The following SAMTOR variants were observed in gnomAD, a reference collection of about 807,000 sequenced individuals.
SAMTOR encodes UPF0532 protein C7orf60.
the SAMTOR span, among the ~76,000 whole-genome samples, chr7:112,918,242 G>T: frequency 2.0e-5 from 3 of 152,154 alleles, no homozygotes; most frequent in Non-Finnish European, 4.4e-5. Context: ...GACTAACAGC[G>T]GATCTCTCGG....
chr7:112,890,087 G>A, the SAMTOR span, among the ~76,000 whole-genome samples: 4 of 152,186 alleles, frequency 2.6e-5, no homozygotes, highest in East Asian at 1.9e-4. Context: ...ATATAGAGGA[G>A]TTAGATAAGC....
At chr7:112,849,598 T>C in the SAMTOR span, among the ~76,000 whole-genome samples, 19 of 152,294 alleles carry the variant, frequency 1.2e-4, no homozygotes, top group African/African-American at 4.6e-4. Flanking sequence ...TTTCTTTCTG[T>C]TGCTCGACTG....
the SAMTOR span, among the ~76,000 whole-genome samples, chr7:112,874,453 G>A: frequency 1.3e-5 from 2 of 152,108 alleles, no homozygotes; most frequent in South Asian, 4.1e-4. Context: ...GGTACATAGG[G>A]ACATAAAGAT....
chr7:112,848,690 G>A, the SAMTOR span, among the ~76,000 whole-genome samples: 22 of 152,190 alleles, frequency 1.4e-4, no homozygotes, highest in East Asian at 7.7e-4. Flanking sequence ...CTGAAAAGGT[G>A]TATGTTTCCA....
the SAMTOR span, among the ~76,000 whole-genome samples, chr7:112,918,354 A>G: frequency 6.6e-6 from 1 of 152,338 alleles, no homozygotes; most frequent in African/African-American, 2.4e-5. Context: ...ACTAAGCTTC[A>G]TAAGTGAAGG....
At chr7:112,930,711 G>T in the SAMTOR span, among the ~76,000 whole-genome samples, 1 of 152,124 alleles carries the variant, frequency 6.6e-6, no homozygotes, top group African/African-American at 2.4e-5. Context: ...CAAGCTTAGT[G>T]TGTTTCCTAT....
chr7:112,939,676 C>A, the SAMTOR span: 2 of 1,613,226 alleles, frequency 1.2e-6, no homozygotes, highest in South Asian at 2.2e-5. Context: ...GCTCCTGCTC[C>A]CGGGGCGGCG....
the SAMTOR span, among the ~76,000 whole-genome samples, chr7:112,874,202 C>T: frequency 6.6e-6 from 1 of 151,992 alleles, no homozygotes; most frequent in Non-Finnish European, 1.5e-5. Flanking sequence ...TGAGTATATA[C>T]CCAAAGGAAA....
At chr7:112,860,037 T>C in the SAMTOR span, among the ~76,000 whole-genome samples, 2 of 152,218 alleles carry the variant, frequency 1.3e-5, no homozygotes, top group African/African-American at 4.8e-5. Context: ...GTAAGTGCAC[T>C]ATACAGGTAT....
At chr7:112,849,688 G>A in the SAMTOR span, among the ~76,000 whole-genome samples, 9 of 152,266 alleles carry the variant, frequency 5.9e-5, no homozygotes, top group East Asian at 1.7e-3. Context: ...TTCTTAGGGG[G>A]AGTGTTTTCA....
At chr7:112,827,571 C>A in the SAMTOR span, among the ~76,000 whole-genome samples, 1 of 152,118 alleles carries the variant, frequency 6.6e-6, no homozygotes, top group South Asian at 2.1e-4. Flanking sequence ...CCCAAATCCA[C>A]GTTCAAGTCC....
the SAMTOR span, among the ~76,000 whole-genome samples, chr7:112,864,944 G>T: frequency 6.6e-6 from 1 of 151,960 alleles, no homozygotes; most frequent in African/African-American, 2.4e-5. Context: ...TGTAGAGATG[G>T]GGTTTTGCCA....
At chr7:112,935,041 CTAG>C in the SAMTOR span, 3 of 240,346 alleles carry the variant, frequency 1.2e-5, no homozygotes, top group Non-Finnish European at 2.5e-5. Flanking sequence ...TCAAACTCTC[CTAG>C]TGCAAACTTA....
chr7:112,889,888 C>T, the SAMTOR span, among the ~76,000 whole-genome samples: 138 of 152,172 alleles, frequency 9.1e-4, no homozygotes, highest in African/African-American at 3.1e-3. Context: ...CTGCTAGAGG[C>T]GGCTAACTTG....
chr7:112,934,369 A>G, the SAMTOR span, among the ~76,000 whole-genome samples: 1 of 152,216 alleles, frequency 6.6e-6, no homozygotes, highest in Non-Finnish European at 1.5e-5. Flanking sequence ...CATTATCCCT[A>G]TAACAAGCCA....
the SAMTOR span, among the ~76,000 whole-genome samples, chr7:112,905,073 T>C: frequency 7.2e-5 from 11 of 152,184 alleles, no homozygotes; most frequent in Non-Finnish European, 1.0e-4. Context: ...CAAGACCATA[T>C]ACCAGACAAC....
the SAMTOR span, among the ~76,000 whole-genome samples, chr7:112,928,050 T>A: frequency 3.3e-5 from 5 of 151,950 alleles, no homozygotes; most frequent in Non-Finnish European, 7.4e-5. Flanking sequence ...CAATGACAAC[T>A]AGGAAAGAAT....
the SAMTOR span, among the ~76,000 whole-genome samples, chr7:112,872,120 A>G: frequency 6.6e-6 from 1 of 152,204 alleles, no homozygotes; most frequent in East Asian, 1.9e-4. Flanking sequence ...TTCCTAACTC[A>G]TTCTATGAAA....
the SAMTOR span, among the ~76,000 whole-genome samples, chr7:112,835,221 T>C: frequency 1.3e-5 from 2 of 152,204 alleles, no homozygotes; most frequent in African/African-American, 2.4e-5. Context: ...TGTTTATCTG[T>C]ATATTATTTT....
Sources: gnomAD v4.1 joint callset for allele counts (sites outside exome capture counted in the v4.1 genomes callset) on GRCh38, gnomAD v4.1.1 for gene constraint, MANE v1.5 for transcripts, NCBI Gene and HGNC (gene_info 2026-07-23, HGNC 2026-07-21) for gene names.